Variants in DPF3 observed in about 807,000 individuals in gnomAD.
DPF3 encodes the protein zinc finger protein DPF3.
A neutral mutation model predicts 56.8 loss-of-function variants in DPF3; 18 were observed. The observed-to-expected ratio is 0.32, with a 90% CI of 0.22 to 0.47. The LOEUF (loss-of-function observed/expected upper bound fraction) is 0.47. Among genes scored for constraint, DPF3 ranks in the 20% least tolerant of loss-of-function variants. The pLI, the probability that DPF3 is intolerant of heterozygous loss-of-function variation, is 1.00. For missense variants in DPF3, 403 were observed against 488.8 expected (o/e 0.82, Z 1.65); for synonymous variants, 188 against 180.2 (o/e 1.04, Z -0.35).
chr14:72,765,751 T>C (rs1164767824), intron 2 of DPF3, among the ~76,000 whole-genome samples: 1 of 152,024 alleles, frequency 6.6e-6, no homozygotes, highest in Admixed American at 6.5e-5. Context: ...ATCGAGACCA[T>C]CCTGGCTAAC....
intron 7 of DPF3, among the ~76,000 whole-genome samples, chr14:72,689,116 G>A (rs899307215): frequency 1.3e-5 from 2 of 152,190 alleles, no homozygotes; most frequent in Non-Finnish European, 2.9e-5. Flanking sequence ...GGGCGGGGAA[G>A]GTCAGCGCCG....
intron 7 of DPF3, among the ~76,000 whole-genome samples, chr14:72,676,341 C>T (rs1886906777): frequency 6.6e-6 from 1 of 152,200 alleles, no homozygotes; most frequent in African/African-American, 2.4e-5. Context: ...CTGTCTCTCT[C>T]CTATACTCTT....
At position 72,661,473 on chromosome 14, in the gene DPF3, A is replaced by G. The variant is rs1479357489; in HGVS notation, c.871+12767T>C. ...GTTATTATGACTCTGCTTACAAGGG[A>G]GGGAAACCCAAGAGCATGGCTGTGT... On this transcript the variant is annotated intron_variant, in intron 8 of 10. Coordinates refer to ENST00000556509, the MANE Select transcript of DPF3 (RefSeq NM_001280542.3). 3 of 985,542 alleles carry G rather than the reference A, an allele frequency of 3.0e-6. No individual in the cohort carries two copies. The East Asian group carries it at 3.4e-4, about 112-fold the overall frequency. The allele number at this position is 985,542 out of a possible 1,614,324, so 61.0% of individuals were successfully genotyped here. A position where few individuals can be genotyped will look rare whatever the true frequency, so the allele number is the denominator to read the frequency against.
intron 9 of DPF3, among the ~76,000 whole-genome samples, chr14:72,627,173 C>T (rs764291468): frequency 4.6e-5 from 7 of 152,042 alleles, no homozygotes; most frequent in Non-Finnish European, 8.8e-5. Flanking sequence ...GATATACCAA[C>T]ATTTTATTTA....
Position 72,619,937 on chromosome 14 carries a change from G to A in DPF3, c.1032C>T (p.Tyr344=), listed in dbSNP as rs1183831449. 9.8e-6 allele frequency: 15 copies of A among 1,535,582 alleles called. No individual in the cohort carries two copies. Among genetic ancestry groups the A allele is most frequent in the Non-Finnish European group, 1.1e-5 (13 of 1,146,644 alleles). Residue 344 remains tyrosine, a synonymous_variant, in exon 10 of 11, where the codon TAC becomes TAT. Transcript: ENST00000556509. The part of the protein sequence containing the change: ...CDDCDRGYHM[Y]CLNPPVAEPP... The stretch of plus-strand genomic sequence containing the variant: ...GCTCAGCCACCGGGGGATTTAAACA[G>A]TACATGTGATAGCCTCGGTCACAGT...
chr14:72,631,573 T>C (rs536255590), intron 8 of DPF3, among the ~76,000 whole-genome samples: 4 of 152,036 alleles, frequency 2.6e-5, no homozygotes, highest in African/African-American at 9.7e-5. Context: ...GATGCTCATA[T>C]AGGCAAGTTG....
At chr14:72,735,871 CCA>C (rs1889870723) in intron 3 of DPF3, among the ~76,000 whole-genome samples, 1 of 152,126 alleles carries the variant, frequency 6.6e-6, no homozygotes, top group African/African-American at 2.4e-5. Flanking sequence ...CTAAAAGAAT[CCA>C]CACACAAAAA....
At chr14:72,634,151 C>G (rs1885313140) in intron 8 of DPF3, among the ~76,000 whole-genome samples, 1 of 152,176 alleles carries the variant, frequency 6.6e-6, no homozygotes, top group Non-Finnish European at 1.5e-5. Flanking sequence ...GGACATCACT[C>G]AAGCGCAAGA....
chr14:72,713,616 G>A (rs1050600484), intron 6 of DPF3, among the ~76,000 whole-genome samples: 1 of 152,224 alleles, frequency 6.6e-6, no homozygotes, highest in Non-Finnish European at 1.5e-5. Flanking sequence ...CATTAGGAGT[G>A]TGGTGGTGAG....
At chr14:72,698,884 G>A (rs1477620333) in intron 6 of DPF3, among the ~76,000 whole-genome samples, 1 of 151,920 alleles carries the variant, frequency 6.6e-6, no homozygotes, top group Non-Finnish European at 1.5e-5. Flanking sequence ...CCGCAGTGCT[G>A]TGTCCCGATG....
chr14:72,810,073 AC>A (rs1241496682), intron 1 of DPF3, among the ~76,000 whole-genome samples: 1 of 152,182 alleles, frequency 6.6e-6, no homozygotes, highest in Non-Finnish European at 1.5e-5. Flanking sequence ...TTCAGGGGTG[AC>A]TTGTACAAAT....
intron 1 of DPF3, among the ~76,000 whole-genome samples, chr14:72,809,171 G>A (rs563035788): frequency 5.3e-5 from 8 of 152,332 alleles, no homozygotes; most frequent in Admixed American, 1.3e-4. Context: ...GAAAGCCCTC[G>A]CCAGAGGACA....
chr14:72,713,462 C>A (rs1238324418), intron 6 of DPF3, among the ~76,000 whole-genome samples: 3 of 152,200 alleles, frequency 2.0e-5, no homozygotes, highest in East Asian at 1.9e-4. Context: ...AGACTGCAGA[C>A]CCTGGCGAGA....
chr14:72,703,195 C>T (rs1232582487), intron 6 of DPF3, among the ~76,000 whole-genome samples: 6 of 152,092 alleles, frequency 3.9e-5, no homozygotes, highest in Non-Finnish European at 5.9e-5. Flanking sequence ...TGGCAGCTGC[C>T]GTCCCGTGGC....
intron 8 of DPF3, chr14:72,661,040 G>C: frequency 1.0e-6 from 1 of 985,372 alleles, no homozygotes; most frequent in Non-Finnish European, 1.2e-6. Context: ...TTACAGAGAT[G>C]CTATAGGAGC....
chr14:72,791,122 T>C (rs796921189), intron 1 of DPF3, among the ~76,000 whole-genome samples: 6 of 152,252 alleles, frequency 3.9e-5, no homozygotes, highest in African/African-American at 1.4e-4. Flanking sequence ...TCTGGTGACC[T>C]TCCCCACTCC....
At chr14:72,702,183 C>T (rs967493643) in intron 6 of DPF3, among the ~76,000 whole-genome samples, 1 of 151,964 alleles carries the variant, frequency 6.6e-6, no homozygotes, top group Non-Finnish European at 1.5e-5. Flanking sequence ...TCCCCACCCA[C>T]CCCAACGGCC....
intron 1 of DPF3, among the ~76,000 whole-genome samples, chr14:72,891,350 G>T (rs1290743487): frequency 6.8e-6 from 1 of 147,572 alleles, no homozygotes; most frequent in Non-Finnish European, 1.5e-5. Flanking sequence ...GACTCAGAAC[G>T]CACACAGAGA....
intron 7 of DPF3, among the ~76,000 whole-genome samples, chr14:72,686,174 T>A (rs1887403098): frequency 6.6e-6 from 1 of 152,230 alleles, no homozygotes; most frequent in Non-Finnish European, 1.5e-5. Context: ...CAGGCTCTGA[T>A]AGTTACTGCT....
Sources: gnomAD v4.1 joint callset for allele counts (sites outside exome capture counted in the v4.1 genomes callset) on GRCh38, gnomAD v4.1.1 for gene constraint, MANE v1.5 for transcripts, NCBI Gene and HGNC (gene_info 2026-07-23, HGNC 2026-07-21) for gene names.